Variants in FAM135A observed in about 807,000 individuals in gnomAD.
The protein encoded by FAM135A is protein FAM135A.
FAM135A carries 79 observed loss-of-function variants against 146.8 expected under a neutral mutation model. The ratio of observed to expected loss-of-function variants is 0.54; its 90% CI spans 0.45 to 0.65. FAM135A has a LOEUF of 0.65. Ranked by LOEUF, FAM135A falls within the 30% of genes least tolerant of loss-of-function variation. The pLI, the probability that FAM135A is intolerant of heterozygous loss-of-function variation, is 0.00. For synonymous variants in FAM135A, 562 were observed against 603.6 expected (o/e 0.93, Z 1.01); for missense variants, 1,623 against 1,758.2 (o/e 0.92, Z 1.38).
intron 8 of FAM135A, among the ~76,000 whole-genome samples, chr6:70,477,731 C>T (rs1208007633): frequency 1.3e-5 from 2 of 152,136 alleles, no homozygotes; most frequent in African/African-American, 4.8e-5. Flanking sequence ...TTGAGGATTA[C>T]AATTCAACAT....
intron 12 of FAM135A, among the ~76,000 whole-genome samples, chr6:70,511,014 G>A (rs973123030): frequency 1.3e-5 from 2 of 151,898 alleles, no homozygotes; most frequent in African/African-American, 4.8e-5. Flanking sequence ...GCTTTGATTT[G>A]CAGTACCCTA....
intron 1 of FAM135A, 90 bp downstream of exon 1, chr6:70,413,792 A>T: frequency 1.0e-6 from 1 of 985,136 alleles, no homozygotes; most frequent in Non-Finnish European, 1.2e-6. Context: ...CCAGGAAGGA[A>T]GCGGCCTCCT....
At chr6:70,496,775 T>G (rs1787371316) in intron 11 of FAM135A, among the ~76,000 whole-genome samples, 1 of 151,522 alleles carries the variant, frequency 6.6e-6, no homozygotes, top group South Asian at 2.1e-4. Context: ...TTTCCCCATT[T>G]TTTTTTTTTT....
intron 16 of FAM135A, among the ~76,000 whole-genome samples, chr6:70,529,332 A>G (rs977943944): frequency 6.6e-6 from 1 of 151,798 alleles, no homozygotes; most frequent in Non-Finnish European, 1.5e-5. Flanking sequence ...ATGCAATATT[A>G]CTGTATTATG....
intron 4 of FAM135A, among the ~76,000 whole-genome samples, chr6:70,431,926 A>G (rs986874255): frequency 1.3e-5 from 2 of 152,002 alleles, no homozygotes; most frequent in Non-Finnish European, 2.9e-5. Flanking sequence ...AAATTATAAA[A>G]TATTTTAATG....
intron 7 of FAM135A, 69 bp downstream of exon 7, chr6:70,475,802 A>G: frequency 8.1e-7 from 1 of 1,239,512 alleles, no homozygotes; most frequent in Non-Finnish European, 1.1e-6. Context: ...TAGATTGCCC[A>G]TTTTCCTCTT....
intron 7 of FAM135A, 110 bp downstream of exon 7, chr6:70,475,843 A>G: frequency 1.2e-6 from 1 of 834,012 alleles, no homozygotes; most frequent in Non-Finnish European, 1.8e-6. Flanking sequence ...CTTGTCTTGA[A>G]CTACTTGTGT....
At chr6:70,538,803 ATG>A (rs1797258522) in intron 20 of FAM135A, among the ~76,000 whole-genome samples, 1 of 111,874 alleles carries the variant, frequency 8.9e-6, no homozygotes, top group South Asian at 2.3e-4. Flanking sequence ...ATATTATGTT[ATG>A]TTATATTATA....
chr6:70,492,164 A>C (rs913047514), intron 11 of FAM135A, among the ~76,000 whole-genome samples: 2 of 151,894 alleles, frequency 1.3e-5, no homozygotes, highest in African/African-American at 4.8e-5. Flanking sequence ...ATGAAAGGAA[A>C]TAAGGTAGGA....
intron 5 of FAM135A, among the ~76,000 whole-genome samples, chr6:70,459,170 A>G (rs938380577): frequency 6.6e-6 from 1 of 151,564 alleles, no homozygotes; most frequent in Non-Finnish European, 1.5e-5. Flanking sequence ...TACCTGCTCT[A>G]TTTTTCTTTT....
chr6:70,437,232 C>A lies in FAM135A; in HGVS notation c.77+8813C>A, dbSNP rs530604187. ...TACCCATATGGATCTTAGAGTTCCA[C>A]CTGTAAATAACAATATGTATACTCA... is the stretch of plus-strand genomic sequence containing the variant. On this transcript the variant is annotated intron_variant, in intron 4 of 21. Coordinates refer to ENST00000418814, the MANE Select transcript of FAM135A (RefSeq NM_001162529.3). 2.0e-5 allele frequency among the ~76,000 whole-genome samples: 3 copies of A among 152,074 alleles called. No individual in the cohort carries two copies. The South Asian group carries it at 6.2e-4, about 31-fold the overall frequency.
chr6:70,494,582 T>A (rs1157964945), intron 11 of FAM135A, among the ~76,000 whole-genome samples: 1 of 152,008 alleles, frequency 6.6e-6, no homozygotes, highest in Admixed American at 6.5e-5. Context: ...AACTTAATTC[T>A]AATTTCCTTT....
intron 4 of FAM135A, among the ~76,000 whole-genome samples, chr6:70,440,701 T>TGTAC (rs1320246570): frequency 1.3e-5 from 2 of 152,094 alleles, no homozygotes; most frequent in African/African-American, 4.8e-5. Flanking sequence ...AAAAATTAAA[T>TGTAC]AATTCTGTAA....
chr6:70,514,521 T>G (rs55968813), intron 12 of FAM135A, among the ~76,000 whole-genome samples: 26,850 of 151,980 alleles, frequency 0.18, 2,461 homozygotes, highest in Middle Eastern at 0.22. Flanking sequence ...CCAGAAAAAA[T>G]CTGAACGAAC....
intron 12 of FAM135A, among the ~76,000 whole-genome samples, chr6:70,505,228 ATCT>A (rs1406491507): frequency 6.6e-6 from 1 of 152,140 alleles, no homozygotes; most frequent in Admixed American, 6.5e-5. Context: ...CAATACACTG[ATCT>A]TCTTTAGAAA....
At chr6:70,463,448 G>A (rs1271618372) in intron 5 of FAM135A, among the ~76,000 whole-genome samples, 7 of 151,650 alleles carry the variant, frequency 4.6e-5, no homozygotes. Flanking sequence ...TGTAGAGACG[G>A]GAGTCTTAAC....
intron 10 of FAM135A, among the ~76,000 whole-genome samples, chr6:70,483,275 G>A (rs1784066068): frequency 6.6e-6 from 1 of 152,142 alleles, no homozygotes; most frequent in African/African-American, 2.4e-5. Flanking sequence ...TTCTTGACTA[G>A]ACATAGATAT....
At chr6:70,547,725 T>TTTA (rs1341918899) in intron 20 of FAM135A, among the ~76,000 whole-genome samples, 3 of 152,184 alleles carry the variant, frequency 2.0e-5, no homozygotes, top group African/African-American at 4.8e-5. Context: ...TTGGAAAGAC[T>TTTA]TTAGACTATG....
At chr6:70,428,692 C>T (rs1351429772) in intron 4 of FAM135A, among the ~76,000 whole-genome samples, 1 of 151,954 alleles carries the variant, frequency 6.6e-6, no homozygotes, top group Non-Finnish European at 1.5e-5. Context: ...CTAATTTTTG[C>T]TCTTTAAAAT....
Sources: gnomAD v4.1 joint callset for allele counts (sites outside exome capture counted in the v4.1 genomes callset) on GRCh38, gnomAD v4.1.1 for gene constraint, MANE v1.5 for transcripts, NCBI Gene and HGNC (gene_info 2026-07-23, HGNC 2026-07-21) for gene names.